The following ABLIM2 variants were observed in gnomAD, a reference collection of about 807,000 sequenced individuals.
ABLIM2 encodes the protein actin binding LIM protein family member 2.
Under a neutral mutation model 97.7 loss-of-function variants are expected in ABLIM2, and 53 were observed. The ratio of observed to expected loss-of-function variants is 0.54; its 90% confidence interval spans 0.44 to 0.68. ABLIM2 has a LOEUF of 0.68. ABLIM2 is among the 30% of genes least tolerant of loss of function. The pLI, the probability that ABLIM2 is intolerant of heterozygous loss-of-function variation, is 0.00. For synonymous variants in ABLIM2, 361 were observed against 345.8 expected (o/e 1.04, Z -0.49); for missense variants, 835 against 867.2 (o/e 0.96, Z 0.47).
Position 8,019,800 on chromosome 4 carries a change from G to A in ABLIM2, c.1370-129C>T. ...ATTTAGAATCATCAGGCAGGAACTGGCACCCAGCGAGCGACAGACACCCAG... is the reference window on the plus strand; with the variant it reads ...ATTTAGAATCATCAGGCAGGAACTGACACCCAGCGAGCGACAGACACCCAG... On this transcript the variant is annotated intron_variant, in intron 13 of 20. Transcript: ENST00000447017. This position sits in a 1 kb window ranked among gnomAD's most constrained non-coding sequence, Gnocchi z 4.3. 1 of 923,002 alleles carries A rather than the reference G, an allele frequency of 1.1e-6. No individual in the cohort carries two copies. Among genetic ancestry groups the A allele is most frequent in the Admixed American group, 2.5e-5 (1 of 39,736 alleles). The allele number at this position is 923,002 out of a possible 1,614,324, so 57.2% of individuals were successfully genotyped here.
chr4:8,088,136 C>T, intron 4 of ABLIM2, 33 bp downstream of exon 4: 1 of 1,340,946 alleles, frequency 7.5e-7, no homozygotes, highest in Non-Finnish European at 1.0e-6. Context: ...AGCATGCCCC[C>T]ACTCAACATG....
At position 8,122,267 on chromosome 4, in the gene ABLIM2, C is replaced by T. The variant is rs1410560057; in HGVS notation, c.11-15630G>A. ...ATCCGAATGGCCTGGTAAGGATGGC[C>T]ACAGAGAGCTGGAGAGGTCCCCCAC... On this transcript the variant is annotated intron_variant, in intron 1 of 20. Transcript: ENST00000447017. The surrounding 1 kb of genome is among the most constrained non-coding windows in gnomAD (Gnocchi z 4.1). Among the ~76,000 whole-genome samples, 2 of 152,170 alleles carry T rather than the reference C, an allele frequency of 1.3e-5. No individual in the cohort carries two copies. The highest frequency in any genetic ancestry group is 2.9e-5 in the Non-Finnish European group (2 of 68,036).
Position 7,984,836 on chromosome 4 carries a change from T to C in ABLIM2, c.1735+3A>G. The C allele has an allele frequency of 6.3e-7, 1 of 1,598,092 alleles. No individual in the cohort carries two copies. The highest frequency in any genetic ancestry group is 8.5e-7 in the Non-Finnish European group (1 of 1,172,774). On this transcript the variant is annotated splice_donor_region_variant and intron_variant, in intron 18 of 20. Coordinates refer to ENST00000447017, the MANE Select transcript of ABLIM2 (RefSeq NM_001130083.2). ...AGACCCACAGGGTCCCCGCTCTGTG[T>C]ACCTCGCATGCCCCAGCTGGCATCC...
At chr4:8,042,800 T>C (rs1367377445) in intron 9 of ABLIM2, among the ~76,000 whole-genome samples, 2 of 131,600 alleles carry the variant, frequency 1.5e-5, no homozygotes, top group Non-Finnish European at 1.5e-5. Flanking sequence ...GATGGAGCCG[T>C]GGCACTCCAG....
intron 1 of ABLIM2, among the ~76,000 whole-genome samples, chr4:8,117,636 C>T (rs940494303): frequency 6.6e-6 from 1 of 152,194 alleles, no homozygotes; most frequent in Admixed American, 6.5e-5. Context: ...TGGGATCCAC[C>T]CACTTTTCCT....
chr4:8,088,138 C>G, intron 4 of ABLIM2, 31 bp downstream of exon 4: 1 of 1,337,798 alleles, frequency 7.5e-7, no homozygotes, highest in Non-Finnish European at 1.0e-6. Context: ...CATGCCCCCA[C>G]TCAACATGCC....
rs1851923812 is a variant in ABLIM2, at chr4:8,147,100, C to A, written c.10+11580G>T. On this transcript the variant is annotated intron_variant, in intron 1 of 20. Transcript: ENST00000447017. The surrounding 1 kb of genome is among the most constrained non-coding windows in gnomAD (Gnocchi z 5.3). ...CAGAGGCTTTCTTCAGAAGAGATTC[C>A]CAGAAGTCGCATTATTCCATCAAAA... Among the ~76,000 whole-genome samples, 2 of 152,094 alleles carry A rather than the reference C, an allele frequency of 1.3e-5. No homozygotes were observed. The highest frequency in any genetic ancestry group is 1.3e-4 in the Admixed American group (2 of 15,272).
In ABLIM2 at chr4:8,124,475, T is replaced by C. The variant is rs981368345; in HGVS notation, c.11-17838A>G. Among the ~76,000 whole-genome samples the C allele has an allele frequency of 2.0e-5, 3 of 152,242 alleles. No homozygotes were observed. The highest frequency in any genetic ancestry group is 7.2e-5 in the African/African-American group (3 of 41,466). On this transcript the variant is annotated intron_variant, in intron 1 of 20. Coordinates refer to ENST00000447017, the MANE Select transcript of ABLIM2 (RefSeq NM_001130083.2). This position sits in a 1 kb window ranked among gnomAD's most constrained non-coding sequence, Gnocchi z 6.1. Reference sequence around the variant, plus strand: ...GGTCTGTCTCTGTGGATTTGCCTGCTCTGGGCATTTCATGCGAACGGAATC... The same window carrying C: ...GGTCTGTCTCTGTGGATTTGCCTGCCCTGGGCATTTCATGCGAACGGAATC...
chr4:8,010,497 C>T, intron 14 of ABLIM2: 12 of 985,946 alleles, frequency 1.2e-5, no homozygotes, highest in Non-Finnish European at 1.4e-5. Flanking sequence ...CCACCAAGGA[C>T]AAGACTGATA....
intron 6 of ABLIM2, among the ~76,000 whole-genome samples, chr4:8,074,862 C>T (rs1814946718): frequency 6.6e-6 from 1 of 151,072 alleles, no homozygotes; most frequent in Non-Finnish European, 1.5e-5. Context: ...CTCACTGCAA[C>T]CTCCACCTCC....
At chr4:8,110,212 T>C (rs1226803939) in intron 1 of ABLIM2, among the ~76,000 whole-genome samples, 1 of 152,232 alleles carries the variant, frequency 6.6e-6, no homozygotes, top group African/African-American at 2.4e-5. Context: ...AAGACGCTTA[T>C]GTTCTCATCT....
Position 8,112,678 on chromosome 4 carries a change from A to AC in ABLIM2, c.11-6042dup, listed in dbSNP as rs1482425533. ...GTAGGCCCCAGGGACACCACAGTGA[A>AC]CACAACAGCCACGGTCCCAGCCCTC... is the stretch of plus-strand genomic sequence containing the variant. On this transcript the variant is annotated intron_variant, in intron 1 of 20. Coordinates refer to ENST00000447017, the MANE Select transcript of ABLIM2 (RefSeq NM_001130083.2). The surrounding 1 kb of genome is among the most constrained non-coding windows in gnomAD (Gnocchi z 4.2). Among the ~76,000 whole-genome samples, 1 of 152,170 alleles carries AC rather than the reference A, an allele frequency of 6.6e-6. No homozygotes were observed. Among genetic ancestry groups the AC allele is most frequent in the African/African-American group, 2.4e-5 (1 of 41,448 alleles).
Position 8,001,940 on chromosome 4 carries a change from T to C in ABLIM2, c.1618+6119A>G, listed in dbSNP as rs866275363. ...CACATGTGCGTGCTCTCTCTCTCTTTTTCTTGCTCTCTCTCCTCCCAGCAT... is the reference window on the plus strand; with the variant it reads ...CACATGTGCGTGCTCTCTCTCTCTTCTTCTTGCTCTCTCTCCTCCCAGCAT... On this transcript the variant is annotated intron_variant, in intron 16 of 20. Transcript: ENST00000447017. This position sits in a 1 kb window ranked among gnomAD's most constrained non-coding sequence, Gnocchi z 4.2. Among the ~76,000 whole-genome samples the C allele has an allele frequency of 1.3e-5, 2 of 152,192 alleles. No individual in the cohort carries two copies. Among genetic ancestry groups the C allele is most frequent in the Non-Finnish European group, 2.9e-5 (2 of 68,036 alleles).
chr4:7,982,909 G>C (rs1739954581), intron 20 of ABLIM2, among the ~76,000 whole-genome samples: 2 of 152,224 alleles, frequency 1.3e-5, no homozygotes, highest in South Asian at 2.1e-4. Flanking sequence ...CACCATGTTG[G>C]CCAGGCTGGT....
In ABLIM2 at chr4:8,112,690, C is replaced by T. The variant is rs1018083431; in HGVS notation, c.11-6053G>A. 3.3e-5 allele frequency among the ~76,000 whole-genome samples: 5 copies of T among 152,192 alleles called. No homozygotes were observed. Among genetic ancestry groups the T allele is most frequent in the African/African-American group, 4.8e-5 (2 of 41,446 alleles). ...GACACCACAGTGAACACAACAGCCA[C>T]GGTCCCAGCCCTCGACATTCTCTTG... On this transcript the variant is annotated intron_variant, in intron 1 of 20. Transcript: ENST00000447017. The surrounding 1 kb of genome is among the most constrained non-coding windows in gnomAD (Gnocchi z 4.2).
rs112669925 is a variant in ABLIM2 at position 8,033,659 on chromosome 4, C to T, written c.1047+2490G>A. 3.7e-3 allele frequency among the ~76,000 whole-genome samples: 557 copies of T among 152,312 alleles called. 2 individuals carry two copies. Among genetic ancestry groups the T allele is most frequent in the Non-Finnish European group, 5.5e-3 (377 of 68,010 alleles). ...CTCCCCAGAGGGAGGGGGTGACTCCCGAGCCACAGTCCCTCCCTTCCTGCC... is the reference window on the plus strand; with the variant it reads ...CTCCCCAGAGGGAGGGGGTGACTCCTGAGCCACAGTCCCTCCCTTCCTGCC... On this transcript the variant is annotated intron_variant, in intron 10 of 20. Transcript: ENST00000447017. This position sits in a 1 kb window ranked among gnomAD's most constrained non-coding sequence, Gnocchi z 4.5.
At chr4:8,145,742 T>TCATACA (rs751459689) in intron 1 of ABLIM2, among the ~76,000 whole-genome samples, 2 of 90,840 alleles carry the variant, frequency 2.2e-5, no homozygotes, top group Non-Finnish European at 2.1e-5. Context: ...GACTACACAC[T>TCATACA]CATACACACA....
Position 8,095,021 on chromosome 4 carries a change from T to TC in ABLIM2, c.338+2077dup, listed in dbSNP as rs1221292763. 1.5e-5 allele frequency among the ~76,000 whole-genome samples: 2 copies of TC among 137,436 alleles called. No homozygotes were observed. Among genetic ancestry groups the TC allele is most frequent in the Non-Finnish European group, 3.1e-5 (2 of 64,242 alleles). 90.2% of individuals were successfully genotyped at this position (137,436 alleles called of 152,430 possible). A position where few individuals can be genotyped will look rare whatever the true frequency, so the allele number is the denominator to read the frequency against. On this transcript the variant is annotated intron_variant, in intron 3 of 20. Coordinates refer to ENST00000447017, the MANE Select transcript of ABLIM2 (RefSeq NM_001130083.2). The surrounding 1 kb of genome is among the most constrained non-coding windows in gnomAD (Gnocchi z 4.7). ...CTTTTTCTTTCTTTCTCTCTCTCTC[T>TC]CCCCCCACTTCTTTCCTTCCTTCCT...
rs2152939571 is a variant in ABLIM2 at position 8,137,361 on chromosome 4, C to T, written c.10+21319G>A. On this transcript the variant is annotated intron_variant, in intron 1 of 20. Transcript: ENST00000447017. ...CATGAACCCCGGACAAGTGGACAAG[C>T]CCATGCCTCACAGGGACAAAGACAG... Among the ~76,000 whole-genome samples, 4 of 152,362 alleles carry T rather than the reference C, an allele frequency of 2.6e-5. No homozygotes were observed. The Middle Eastern group carries it at 0.014, about 518-fold the overall frequency.
Sources: allele counts gnomAD v4.1 joint callset (sites outside exome capture counted in the v4.1 genomes callset), GRCh38; gene constraint gnomAD v4.1.1; non-coding constraint Gnocchi (gnomAD v3.1); transcripts MANE v1.5; gene names NCBI Gene and HGNC (gene_info 2026-07-23, HGNC 2026-07-21).